The following ANKRD12 variants were observed in gnomAD, a reference collection of about 807,000 sequenced individuals.
The protein encoded by ANKRD12 is ankyrin repeat domain-containing protein 12.
A neutral mutation model predicts 183.4 loss-of-function variants in ANKRD12; 85 were observed. That is an observed-to-expected ratio of 0.46 (90% CI 0.39 to 0.56). The LOEUF is 0.56. ANKRD12 is among the 20% of genes least tolerant of loss of function. The pLI, the probability that ANKRD12 is intolerant of heterozygous loss-of-function variation, is 0.00. For synonymous variants in ANKRD12, 914 were observed against 800.2 expected (o/e 1.14, Z -2.40); for missense variants, 2,405 against 2,357.1 (o/e 1.02, Z -0.42).
intron 1 of ANKRD12, among the ~76,000 whole-genome samples, chr18:9,171,264 C>T (rs1024636817): frequency 7.9e-5 from 12 of 152,136 alleles, no homozygotes; most frequent in South Asian, 2.1e-4. Flanking sequence ...CCGTCTTCTG[C>T]GTCGCTGATG....
At chr18:9,243,998 T>G in intron 8 of ANKRD12, among the ~76,000 whole-genome samples, 1 of 151,964 alleles carries the variant, frequency 6.6e-6, no homozygotes, top group Non-Finnish European at 1.5e-5. Context: ...AAAGAAAAAT[T>G]GGCCAGGCTA....
rs965635945 is a variant in ANKRD12 at position 9,275,806 on chromosome 18, A to G, written c.5907+139A>G. 3 of 777,482 alleles carry G rather than the reference A, an allele frequency of 3.9e-6. No homozygotes were observed. In the African/African-American group the frequency reaches 5.3e-5, roughly 14 times the overall value. The allele number at this position is 777,482 out of a possible 1,614,324, so 48.2% of individuals were successfully genotyped here. A position where few individuals can be genotyped will look rare whatever the true frequency, so the allele number is the denominator to read the frequency against. On this transcript the variant is annotated intron_variant, in intron 11 of 12. Coordinates refer to ENST00000262126, the MANE Select transcript of ANKRD12 (RefSeq NM_015208.5). ...AGAAGAAAAAAAACTCTTTCAAGCCAGAGTACTTCCAGATCAACTGGTCCT... is the reference window on the plus strand; with the variant it reads ...AGAAGAAAAAAAACTCTTTCAAGCCGGAGTACTTCCAGATCAACTGGTCCT...
Position 9,255,742 on chromosome 18 carries a change from A to G in ANKRD12, c.2475A>G (p.Arg825=), listed in dbSNP as rs778483142. The G allele has an allele frequency of 1.4e-5, 23 of 1,587,848 alleles. No individual in the cohort carries two copies. Among genetic ancestry groups the G allele is most frequent in the Non-Finnish European group, 2.0e-5 (23 of 1,173,404 alleles). ...AAAGTAAAGAAAAACCTGAGAAGCG[A>G]TCTCAAATTAAAGAAAAGGACATTG... The part of the protein sequence containing the change: ...IKESKEKPEK[R]SQIKEKDIEK... Residue 825 remains arginine (R), a synonymous_variant, in exon 9 of 13, where the codon CGA becomes CGG. Transcript: ENST00000262126.
At chr18:9,167,875 G>A (rs948424097) in intron 1 of ANKRD12, among the ~76,000 whole-genome samples, 7 of 152,056 alleles carry the variant, frequency 4.6e-5, no homozygotes, top group South Asian at 2.1e-4. Context: ...AGCTCTTATT[G>A]TTTTGAGATA....
intron 4 of ANKRD12, among the ~76,000 whole-genome samples, chr18:9,205,170 A>G (rs370119455): frequency 1.6e-4 from 25 of 152,322 alleles, no homozygotes; most frequent in African/African-American, 5.8e-4. Flanking sequence ...ATTGCTCCAG[A>G]TAGAATACAA....
chr18:9,161,323 C>T (rs1457660124), intron 1 of ANKRD12, among the ~76,000 whole-genome samples: 1 of 151,310 alleles, frequency 6.6e-6, no homozygotes, highest in Non-Finnish European at 1.5e-5. Context: ...TAACTTTGAT[C>T]CCTTTTTGTC....
At chr18:9,189,163 G>A (rs1033410180) in intron 2 of ANKRD12, among the ~76,000 whole-genome samples, 1 of 152,192 alleles carries the variant, frequency 6.6e-6, no homozygotes, top group Non-Finnish European at 1.5e-5. Context: ...CTGATATGGA[G>A]GAAGTTTGGA....
At chr18:9,275,834 A>T (rs192723269) in intron 11 of ANKRD12, among the ~76,000 whole-genome samples, 167 bp downstream of exon 11, 1 of 152,230 alleles carries the variant, frequency 6.6e-6, no homozygotes, top group Admixed American at 6.5e-5. Flanking sequence ...CTGGTCCTCC[A>T]TTTTCTAAAG....
At position 9,206,409 on chromosome 18, in the gene ANKRD12, T is replaced by C. The variant is rs139708764; in HGVS notation, c.304+1865T>C. 3.4e-3 allele frequency among the ~76,000 whole-genome samples: 517 copies of C among 152,152 alleles called. 5 individuals carry two copies. Among genetic ancestry groups the C allele is most frequent in the African/African-American group, 0.012 (494 of 41,558 alleles). Reference sequence around the variant, plus strand: ...TAATATATTATCATTTTTTTACTTATGATGGGTCAGAGGAAACAAATTCTT... The same window carrying C: ...TAATATATTATCATTTTTTTACTTACGATGGGTCAGAGGAAACAAATTCTT... On this transcript the variant is annotated intron_variant, in intron 4 of 12. Transcript: ENST00000262126.
intron 8 of ANKRD12, among the ~76,000 whole-genome samples, chr18:9,248,770 A>G (rs1019691481): frequency 1.8e-4 from 27 of 152,244 alleles, no homozygotes; most frequent in African/African-American, 6.5e-4. Context: ...AAGCTATATG[A>G]TAGCTATGGA....
At chr18:9,204,609 G>T (rs906981248) in intron 4 of ANKRD12, 65 bp downstream of exon 4, 20 of 1,186,742 alleles carry the variant, frequency 1.7e-5, no homozygotes, top group Admixed American at 2.4e-5. Context: ...ATTAATTATT[G>T]TACTATAAGT....
chr18:9,195,767 A>G (rs956717390), intron 3 of ANKRD12, 69 bp downstream of exon 3: 19 of 1,438,248 alleles, frequency 1.3e-5, no homozygotes, highest in African/African-American at 2.9e-5. Flanking sequence ...TTTCTTGTAC[A>G]CCACTCCTCT....
intron 1 of ANKRD12, among the ~76,000 whole-genome samples, chr18:9,139,321 G>A (rs2078238497): frequency 6.6e-6 from 1 of 152,114 alleles, no homozygotes; most frequent in Admixed American, 6.5e-5. Context: ...TCAAGCTGTC[G>A]ATATTACTTT....
chr18:9,272,158 C>G (rs187631716), intron 10 of ANKRD12, among the ~76,000 whole-genome samples: 2 of 152,260 alleles, frequency 1.3e-5, no homozygotes, highest in East Asian at 3.9e-4. Context: ...TTTAAAAACA[C>G]AAAATTAAGA....
At chr18:9,277,358 G>C (rs930237153) in intron 11 of ANKRD12, among the ~76,000 whole-genome samples, 2 of 135,768 alleles carry the variant, frequency 1.5e-5, no homozygotes, top group African/African-American at 2.8e-5. Context: ...AGCAGAGTCT[G>C]GCTCTGTCGC....
chr18:9,276,408 A>G (rs8084450), intron 11 of ANKRD12, among the ~76,000 whole-genome samples: 1,578 of 152,256 alleles, frequency 0.01, 22 homozygotes, highest in African/African-American at 0.036. Flanking sequence ...TGAACTAGAT[A>G]GGTAGGTTTC....
rs746752070 is a variant in ANKRD12 at position 9,257,749 on chromosome 18, C to CAGA, written c.4482_4483insAGA (p.Phe1494_Pro1495insArg). ...TGCCTCCACAGCAGCCTTGCTCTTT[C>CAGA]CCCAGCCAATCACTTTCAGATGCTG... On this transcript the variant is annotated inframe_insertion, in exon 9 of 13. Transcript: ENST00000262126. 1.2e-6 allele frequency: 2 copies of CAGA among 1,614,040 alleles called. No individual in the cohort carries two copies. The highest frequency in any genetic ancestry group is 3.3e-5 in the Admixed American group (2 of 59,966).
chr18:9,263,693 TG>T (rs1448234671), intron 9 of ANKRD12, 96 bp from the exon 10 acceptor site: 3 of 794,718 alleles, frequency 3.8e-6, no homozygotes, highest in East Asian at 3.2e-5. Flanking sequence ...CATCAGAATT[TG>T]TTTTTTTATG....
chr18:9,244,700 C>T (rs999560643), intron 8 of ANKRD12, among the ~76,000 whole-genome samples: 4 of 152,098 alleles, frequency 2.6e-5, no homozygotes, highest in Non-Finnish European at 5.9e-5. Flanking sequence ...GACAAAAATT[C>T]CAGTAAGTAT....
Sources: gnomAD v4.1 joint callset for allele counts (sites outside exome capture counted in the v4.1 genomes callset) on GRCh38, gnomAD v4.1.1 for gene constraint, MANE v1.5 for transcripts, NCBI Gene and HGNC (gene_info 2026-07-23, HGNC 2026-07-21) for gene names.